Variants in PIP4K2A observed in about 807,000 individuals in gnomAD.
PIP4K2A encodes phosphatidylinositol 5-phosphate 4-kinase type-2 alpha.
Under a neutral mutation model 42.9 loss-of-function variants are expected in PIP4K2A, and 14 were observed. That is an observed-to-expected ratio of 0.33 (90% CI 0.22 to 0.51). The LOEUF (loss-of-function observed/expected upper bound fraction) is 0.51. Ranked by LOEUF, PIP4K2A falls within the 20% of genes least tolerant of loss-of-function variation. PIP4K2A has a pLI of 0.97. For synonymous variants in PIP4K2A, 192 were observed against 192.2 expected (o/e 1.00, Z 0.01); for missense variants, 434 against 519.8 (o/e 0.83, Z 1.61).
intron 1 of PIP4K2A, chr10:22,691,725 C>T (rs2130899851): frequency 6.6e-6 from 1 of 152,252 alleles, no homozygotes; most frequent in South Asian, 2.1e-4. Context: ...AAAACTTGAC[C>T]CATAAAGGTT....
chr10:22,711,359 T>C (rs1217234386), intron 1 of PIP4K2A, among the ~76,000 whole-genome samples: 3 of 152,250 alleles, frequency 2.0e-5, no homozygotes, highest in African/African-American at 7.2e-5. Flanking sequence ...TCACAGTCTC[T>C]TAAAATCACC....
intron 1 of PIP4K2A, chr10:22,661,740 T>C (rs1839209532): frequency 6.6e-6 from 1 of 152,212 alleles, no homozygotes; most frequent in African/African-American, 2.4e-5. Context: ...TTATTCCCGA[T>C]ACCTGGTATG....
At chr10:22,579,206 A>C (rs1837196929) in intron 4 of PIP4K2A, among the ~76,000 whole-genome samples, 1 of 152,194 alleles carries the variant, frequency 6.6e-6, no homozygotes, top group Admixed American at 6.5e-5. Context: ...AAATGGTCAC[A>C]GTTTATCTGT....
At chr10:22,710,058 T>C (rs1008489761) in intron 1 of PIP4K2A, among the ~76,000 whole-genome samples, 3 of 128,838 alleles carry the variant, frequency 2.3e-5, no homozygotes, top group Admixed American at 2.3e-4. Context: ...TAAAAACCCA[T>C]GAACCAAAAA....
chr10:22,709,789 T>G (rs540161190), intron 1 of PIP4K2A, among the ~76,000 whole-genome samples: 2 of 152,190 alleles, frequency 1.3e-5, no homozygotes, highest in African/African-American at 4.8e-5. Flanking sequence ...TTAAGGAGTA[T>G]AAAACGACTT....
rs376720337 is a variant in PIP4K2A, at chr10:22,620,571, G to A, written c.145-10854C>T. 1.3e-4 allele frequency among the ~76,000 whole-genome samples: 20 copies of A among 152,374 alleles called. No individual in the cohort carries two copies. The East Asian group carries it at 1.7e-3, about 13-fold the overall frequency. Reference sequence around the variant, plus strand: ...TGGCCCAGATAGTGATTTAGAAAATGCTTGAATTAATCACCAATCTTTTCA... The same window carrying A: ...TGGCCCAGATAGTGATTTAGAAAATACTTGAATTAATCACCAATCTTTTCA... On this transcript the variant is annotated intron_variant, in intron 1 of 9. Transcript: ENST00000376573.
At chr10:22,634,120 T>G (rs1838611399) in intron 1 of PIP4K2A, among the ~76,000 whole-genome samples, 2 of 152,210 alleles carry the variant, frequency 1.3e-5, no homozygotes, top group Non-Finnish European at 2.9e-5. Context: ...CTGCAGCTGA[T>G]ATTTCACAGA....
At chr10:22,551,695 A>G (rs151173938) in intron 6 of PIP4K2A, among the ~76,000 whole-genome samples, 1,691 of 152,346 alleles carry the variant, frequency 0.011, 13 homozygotes, top group Non-Finnish European at 0.017. Flanking sequence ...AAGAAATCCA[A>G]TGTCATGCAC....
At position 22,714,184 on chromosome 10, in the gene PIP4K2A, G is replaced by A; in HGVS notation, c.143C>T (p.Ser48Leu). ...CGCGCGCCGCAGCTGAGCCCTTACCGAGTGGTTTACCCCCCACATGAGGAC... is the reference window on the plus strand; with the variant it reads ...CGCGCGCCGCAGCTGAGCCCTTACCAAGTGGTTTACCCCCCACATGAGGAC... ...LSVLMWGVNH[S>L]INELSHVQIP... Residue 48 changes from serine to leucine, a missense_variant and splice_region_variant, in exon 1 of 10, where the codon TCG (serine) becomes TTG (leucine). Around this residue, in one of 2 missense-constraint regions of PIP4K2A, gnomAD observed 395 missense variants for 444.5 expected, o/e 0.89. Transcript: ENST00000376573. 1 of 1,606,574 alleles carries A rather than the reference G, an allele frequency of 6.2e-7. No individual in the cohort carries two copies. The highest frequency in any genetic ancestry group is 8.5e-7 in the Non-Finnish European group (1 of 1,175,932).
intron 3 of PIP4K2A, among the ~76,000 whole-genome samples, chr10:22,595,136 C>G (rs892691258): frequency 2.0e-5 from 3 of 152,184 alleles, no homozygotes; most frequent in African/African-American, 7.2e-5. Context: ...TACAAAACAC[C>G]TGATCCTTGG....
intron 3 of PIP4K2A, among the ~76,000 whole-genome samples, chr10:22,597,359 T>A (rs1837657153): frequency 6.6e-6 from 1 of 152,196 alleles, no homozygotes; most frequent in South Asian, 2.1e-4. Context: ...TTGACTGTGG[T>A]GACGATGTCA....
intron 1 of PIP4K2A, among the ~76,000 whole-genome samples, chr10:22,683,875 A>ACACACAC (rs57934751): frequency 6.8e-6 from 1 of 146,200 alleles, no homozygotes; most frequent in African/African-American, 2.6e-5. Flanking sequence ...ACACACACAC[A>ACACACAC]ATTCAAAGTG....
chr10:22,560,325 C>T lies in PIP4K2A; in HGVS notation c.678+7526G>A, dbSNP rs147090870. ...GATACGCTGCTGTGCTTTTGTGTCA[C>T]GTTTGGGGAGCCCGCCGCCCTGGCC... On this transcript the variant is annotated intron_variant, in intron 6 of 9. Transcript: ENST00000376573. Among the ~76,000 whole-genome samples the T allele has an allele frequency of 5.4e-4, 82 of 152,284 alleles. No homozygotes were observed. The Middle Eastern group carries it at 0.031, about 57-fold the overall frequency.
intron 1 of PIP4K2A, among the ~76,000 whole-genome samples, chr10:22,669,039 T>C (rs982609574): frequency 6.6e-6 from 1 of 152,190 alleles, no homozygotes; most frequent in East Asian, 1.9e-4. Context: ...TATGGAGTTT[T>C]CAAGAGCTCT....
chr10:22,673,273 T>G (rs182079233), intron 1 of PIP4K2A, among the ~76,000 whole-genome samples: 2 of 152,380 alleles, frequency 1.3e-5, no homozygotes, highest in East Asian at 3.9e-4. Context: ...TAATTATGCT[T>G]ATCTCTGTGA....
chr10:22,712,699 T>C (rs1833931571), intron 1 of PIP4K2A, among the ~76,000 whole-genome samples: 1 of 152,150 alleles, frequency 6.6e-6, no homozygotes, highest in African/African-American at 2.4e-5. Context: ...CATTCCCAAA[T>C]AGCTAAAGAA....
intron 1 of PIP4K2A, among the ~76,000 whole-genome samples, chr10:22,641,025 C>A (rs572463078): frequency 1.3e-5 from 2 of 152,178 alleles, no homozygotes; most frequent in East Asian, 3.9e-4. Flanking sequence ...CATTATCAAG[C>A]CTTATCAGCT....
At chr10:22,660,333 T>C (rs1027960347) in intron 1 of PIP4K2A, among the ~76,000 whole-genome samples, 1 of 151,992 alleles carries the variant, frequency 6.6e-6, no homozygotes, top group Admixed American at 6.6e-5. Context: ...TAGCCGGGTG[T>C]GGAAGCGCGT....
chr10:22,633,999 G>A (rs1332606102), intron 1 of PIP4K2A, among the ~76,000 whole-genome samples: 2 of 152,242 alleles, frequency 1.3e-5, no homozygotes, highest in Non-Finnish European at 2.9e-5. Context: ...GGCTGCCCCA[G>A]AGTAGACGCT....
Sources: gnomAD v4.1 joint callset for allele counts (sites outside exome capture counted in the v4.1 genomes callset) on GRCh38, gnomAD v4.1.1 for gene constraint, gnomAD v4.1.1 regional missense constraint, MANE v1.5 for transcripts, NCBI Gene and HGNC (gene_info 2026-07-23, HGNC 2026-07-21) for gene names.